Variants in HEATR1 observed in about 807,000 individuals in gnomAD.
HEATR1 encodes the protein HEAT repeat containing 1.
A neutral mutation model predicts 248.2 loss-of-function variants in HEATR1; 77 were observed. The ratio of observed to expected loss-of-function variants is 0.31; its 90% CI spans 0.26 to 0.37. The LOEUF (loss-of-function observed/expected upper bound fraction) is 0.37. HEATR1 is among the 10% of genes least tolerant of loss of function. The pLI is 1.00. For synonymous variants in HEATR1, 897 were observed against 923.1 expected (o/e 0.97, Z 0.51); for missense variants, 2,420 against 2,504.9 (o/e 0.97, Z 0.72).
rs781056035 is a variant in HEATR1 at position 236,558,362 on chromosome 1, C to A, written c.5079G>T (p.Leu1693=). 1 of 1,614,148 alleles carries A rather than the reference C, an allele frequency of 6.2e-7. No homozygotes were observed. Residue 1693 remains leucine (L), a synonymous_variant, in exon 36 of 45, where the codon CTG becomes CTT. Transcript: ENST00000366582. Reference sequence around the variant, plus strand: ...GAGCAATCAGTTTCACAGCAGTGTTCAGCACTGGGACAAAAGGATCTGGAT... The same window carrying A: ...GAGCAATCAGTTTCACAGCAGTGTTAAGCACTGGGACAAAAGGATCTGGAT... The part of the protein sequence containing the change: ...AENPDPFVPV[L]NTAVKLIAPE...
At chr1:236,601,217 G>GA (rs1171725131) in intron 3 of HEATR1, among the ~76,000 whole-genome samples, 1 of 148,258 alleles carries the variant, frequency 6.7e-6, no homozygotes, top group Non-Finnish European at 1.5e-5. Flanking sequence ...CTTGCTTCTT[G>GA]AAAAAAAATT....
chr1:236,587,350 G>T (rs1663922151), intron 14 of HEATR1, 52 bp downstream of exon 14: 2 of 838,552 alleles, frequency 2.4e-6, no homozygotes, highest in Non-Finnish European at 3.5e-6. Context: ...GAAAGAACTT[G>T]ATATAAGAAC....
rs12027578 is a variant in HEATR1 at position 236,571,381 on chromosome 1, T to C, written c.3918A>G (p.Leu1306=). The change falls in exon 28 of 45, where the codon TTA becomes TTG. Residue 1306 remains leucine, a synonymous_variant. Transcript: ENST00000366582. ...ATATTCCAGCAACAGTGCCCAAAAG[T>C]AAAAGGGCATGGTGATGGGTCTGCG... ...EMPQTHHHAL[L]LLGTVAGIFP... 1.2e-6 allele frequency: 2 copies of C among 1,604,794 alleles called. No homozygotes were observed. Among genetic ancestry groups the C allele is most frequent in the East Asian group, 4.5e-5 (2 of 44,834 alleles).
intron 36 of HEATR1, 61 bp downstream of exon 36, chr1:236,558,176 T>C: frequency 6.8e-7 from 1 of 1,475,860 alleles, no homozygotes; most frequent in Non-Finnish European, 9.1e-7. Context: ...GTCACCAAAG[T>C]GTTATTTTTC....
chr1:236,595,656 C>T lies in HEATR1; in HGVS notation c.974G>A (p.Cys325Tyr). The change falls in exon 8 of 45, where the codon TGT (cysteine) becomes TAT (tyrosine). Residue 325 changes from cysteine to tyrosine, a missense_variant. Physicochemically the swap from Cys to Tyr is radical, Grantham distance 194 (BLOSUM62 -2). Transcript: ENST00000366582. ...TATTGTAATAAGATCAGGAACATTACATAAGTGAGGGAATGGCCTTTGAAG... is the reference window on the plus strand; with the variant it reads ...TATTGTAATAAGATCAGGAACATTATATAAGTGAGGGAATGGCCTTTGAAG... ...SLGKKPFPHLCNVPDLITILH... is the reference protein window; with the variant it reads ...SLGKKPFPHLYNVPDLITILH... The T allele has an allele frequency of 2.5e-6, 4 of 1,612,110 alleles. No homozygotes were observed. Among genetic ancestry groups the T allele is most frequent in the Non-Finnish European group, 3.4e-6 (4 of 1,178,690 alleles).
intron 36 of HEATR1, among the ~76,000 whole-genome samples, 170 bp downstream of exon 36, chr1:236,558,066 AG>A (rs1663023300): frequency 6.6e-6 from 1 of 152,050 alleles, no homozygotes; most frequent in Non-Finnish European, 1.5e-5. Flanking sequence ...GGCCTCCCAA[AG>A]TGGTGGGATC....
chr1:236,580,718 C>T (rs1212239297), intron 20 of HEATR1, among the ~76,000 whole-genome samples: 1 of 151,060 alleles, frequency 6.6e-6, no homozygotes, highest in Non-Finnish European at 1.5e-5. Context: ...GATCTCATCA[C>T]GTTGTCCAAG....
chr1:236,559,992 G>A (rs1461913714), intron 33 of HEATR1, among the ~76,000 whole-genome samples, 155 bp from the exon 34 acceptor site: 2 of 147,380 alleles, frequency 1.4e-5, no homozygotes, highest in African/African-American at 5.2e-5. Context: ...AGGAAATGAG[G>A]GATTATTGCC....
chr1:236,560,898 T>C (rs1489371196), intron 33 of HEATR1, among the ~76,000 whole-genome samples: 1 of 152,134 alleles, frequency 6.6e-6, no homozygotes, highest in Admixed American at 6.5e-5. Context: ...AAGGAGAGTG[T>C]TGGGATAATT....
Position 236,598,108 on chromosome 1 carries a change from CTGG to C in HEATR1, c.502-132_502-130del, listed in dbSNP as rs200724997. ...TAAAAAATATAATCTCTCCTTATAA[CTGG>C]TGGTGGTGATGAAATTAACACATAA... On this transcript the variant is annotated intron_variant, in intron 4 of 44. Coordinates refer to ENST00000366582, the MANE Select transcript of HEATR1 (RefSeq NM_018072.6). The C allele has an allele frequency of 6.7e-4, 367 of 548,696 alleles. 5 individuals are homozygous for C. In the East Asian group the frequency reaches 0.01, roughly 16 times the overall value. The allele number at this position is 548,696 out of a possible 1,614,324, so 34.0% of individuals were successfully genotyped here.
chr1:236,568,879 G>C (rs1453289972), intron 29 of HEATR1, 117 bp downstream of exon 29: 4 of 513,598 alleles, frequency 7.8e-6, no homozygotes, highest in Non-Finnish European at 8.5e-6. Context: ...CAACTGTTGA[G>C]GATATTAAAA....
Position 236,559,059 on chromosome 1 carries a change from C to T in HEATR1, c.4847G>A (p.Arg1616His), listed in dbSNP as rs749879063. Residue 1616 changes from arginine to histidine, a missense_variant, in exon 35 of 45, where the codon CGC becomes CAC. Physicochemically the swap from Arg to His is conservative, Grantham distance 29. Coordinates refer to ENST00000366582, the MANE Select transcript of HEATR1 (RefSeq NM_018072.6). ...ATTCAAAAGGTCCAGCGCTTTGCGGCGAACAGATGGCAGGGGATTGCCCAC... is the reference window on the plus strand; with the variant it reads ...ATTCAAAAGGTCCAGCGCTTTGCGGTGAACAGATGGCAGGGGATTGCCCAC... Reference protein sequence around the residue: ...GLVGNPLPSVRRKALDLLNNK... With the variant: ...GLVGNPLPSVHRKALDLLNNK... 1.5e-5 allele frequency: 24 copies of T among 1,612,410 alleles called. No individual in the cohort carries two copies. Among genetic ancestry groups the T allele is most frequent in the South Asian group, 7.7e-5 (7 of 90,862 alleles).
chr1:236,581,883 C>A (rs111587254), intron 19 of HEATR1, among the ~76,000 whole-genome samples: 1 of 152,100 alleles, frequency 6.6e-6, no homozygotes, highest in Non-Finnish European at 1.5e-5. Context: ...ATGGTATTAA[C>A]CAATCAAAAA....
At position 236,581,416 on chromosome 1, in the gene HEATR1, TAATTA is replaced by T; in HGVS notation, c.2563-7_2563-3del. ...CTGAAAAACATCTTCTAGATGCACC[TAATTA>T]AAAAAAAAAAAAAGCAAACTTTTAA... On this transcript the variant is annotated splice_region_variant and splice_polypyrimidine_tract_variant and intron_variant, in intron 19 of 44. Transcript: ENST00000366582. 2.1e-6 allele frequency: 3 copies of T among 1,437,410 alleles called. No individual in the cohort carries two copies. The highest frequency in any genetic ancestry group is 2.7e-6 in the Non-Finnish European group (3 of 1,093,736). 89.0% of individuals were successfully genotyped at this position (1,437,410 alleles called of 1,614,324 possible).
intron 35 of HEATR1, 117 bp downstream of exon 35, chr1:236,558,878 C>A: frequency 2.3e-6 from 2 of 881,348 alleles, no homozygotes; most frequent in Non-Finnish European, 3.5e-6. Context: ...GTATTATATT[C>A]AGAAAATAAT....
At chr1:236,589,855 C>A (rs1663987295) in intron 12 of HEATR1, among the ~76,000 whole-genome samples, 1 of 152,162 alleles carries the variant, frequency 6.6e-6, no homozygotes, top group Admixed American at 6.5e-5. Flanking sequence ...GCACCTCACA[C>A]CCACAATTTG....
chr1:236,603,718 G>A (rs74146331), intron 2 of HEATR1, among the ~76,000 whole-genome samples: 2,647 of 149,804 alleles, frequency 0.018, 17 homozygotes, highest in Middle Eastern at 0.076. Flanking sequence ...CATATTAGTT[G>A]ACCTCTCTAA....
In HEATR1 at chr1:236,566,791, G is replaced by A. The variant is rs1034480375; in HGVS notation, c.4163C>T (p.Pro1388Leu). 12 of 1,613,992 alleles carry A rather than the reference G, an allele frequency of 7.4e-6. No homozygotes were observed. The highest frequency in any genetic ancestry group is 1.7e-5 in the Admixed American group (1 of 59,990). The change falls in exon 30 of 45, where the codon CCA becomes CTA. Residue 1388 changes from proline (P) to leucine (L), a missense_variant. Transcript: ENST00000366582. ...CAGGCGCCTGTGCTCCGGGACGTGT[G>A]GCAGCGCATCCACAAATACACTAAT... ...KIISVFVDAL[P>L]HVPEHRRLPI...
rs762500785 is a variant in HEATR1 at position 236,603,999 on chromosome 1, G to T, written c.97C>A (p.Pro33Thr). The change falls in exon 2 of 45, where the codon CCT becomes ACT. Residue 33 changes from proline to threonine, a missense_variant. Coordinates refer to ENST00000366582, the MANE Select transcript of HEATR1 (RefSeq NM_018072.6). ...RDEVASLLFD[P>T]KEAATIDRDT... ...CTGTCGATTGTGGCCGCTTCCTTAG[G>T]GTCAAATAACAAAGAAGCAACTTCA... 1 of 1,599,368 alleles carries T rather than the reference G, an allele frequency of 6.3e-7. No individual in the cohort carries two copies. Among genetic ancestry groups the T allele is most frequent in the South Asian group, 1.1e-5 (1 of 88,054 alleles).
Sources: gnomAD v4.1 joint callset for allele counts (sites outside exome capture counted in the v4.1 genomes callset) on GRCh38, gnomAD v4.1.1 for gene constraint, MANE v1.5 for transcripts, NCBI Gene and HGNC (gene_info 2026-07-23, HGNC 2026-07-21) for gene names.